RGS3: variants seen among roughly 807,000 people sequenced by gnomAD.
RGS3 encodes regulator of G-protein signalling 3.
A neutral mutation model predicts 132.6 loss-of-function variants in RGS3; 80 were observed. The ratio of observed to expected loss-of-function variants is 0.60; its 90% CI spans 0.50 to 0.73. RGS3 has a LOEUF of 0.73. RGS3 is among the 30% of genes least tolerant of loss of function. RGS3 has a pLI of 0.00. For missense variants in RGS3, 1,382 were observed against 1,530.8 expected, an observed-to-expected ratio of 0.90 and a Z score of 1.62; for synonymous variants, 598 against 620.6, an observed-to-expected ratio of 0.96 and a Z score of 0.54.
Position 113,591,147 on chromosome 9 carries a change from C to A in RGS3, c.3016-186C>A, listed in dbSNP as rs1407461442. ...CCTGTGGCCGGAGAGTCTGCCAGGC[C>A]GATTCCACTTCATGGCCAGGCTGTT... On this transcript the variant is annotated intron_variant, in intron 20 of 24. Coordinates refer to ENST00000350696, the Ensembl canonical transcript of RGS3. This position sits in a 1 kb window ranked among gnomAD's most constrained non-coding sequence, Gnocchi z 4.4. Among the ~76,000 whole-genome samples the A allele has an allele frequency of 6.6e-6, 1 of 152,166 alleles. No homozygotes were observed. Among genetic ancestry groups the A allele is most frequent in the Non-Finnish European group, 1.5e-5 (1 of 68,024 alleles).
intron 19 of RGS3, among the ~76,000 whole-genome samples, chr9:113,566,821 A>G (rs1834033961): frequency 1.3e-5 from 2 of 152,200 alleles, no homozygotes; most frequent in East Asian, 1.9e-4. Flanking sequence ...AAGGAGCCGC[A>G]GAGGCTGCCC....
chr9:113,461,682 T>C, intron 1 of RGS3: 1 of 1,605,742 alleles, frequency 6.2e-7, no homozygotes, highest in Non-Finnish European at 8.5e-7. Context: ...GTGCCCAGTG[T>C]GGGCCTCGGT....
chr9:113,507,896 G>A lies in RGS3; in HGVS notation c.1437+258G>A, dbSNP rs1324278653. Among the ~76,000 whole-genome samples, 1 of 152,226 alleles carries A rather than the reference G, an allele frequency of 6.6e-6. No individual in the cohort carries two copies. Among genetic ancestry groups the A allele is most frequent in the Non-Finnish European group, 1.5e-5 (1 of 68,046 alleles). On this transcript the variant is annotated intron_variant, in intron 13 of 24. Coordinates refer to ENST00000350696, the Ensembl canonical transcript of RGS3. The surrounding 1 kb of genome is among the most constrained non-coding windows in gnomAD (Gnocchi z 5.0). ...AAGATTTCAACTCACAGAAGGAAGA[G>A]CTTTCTACTAGCCTGTGCTTTTCCC...
intron 7 of RGS3, 95 bp downstream of exon 5, chr9:113,485,788 T>C: frequency 1.2e-6 from 1 of 831,914 alleles, no homozygotes. Flanking sequence ...ATTAGTGCTT[T>C]CTGGATAAAT....
chr9:113,488,146 G>C (rs961477400), intron 7 of RGS3, among the ~76,000 whole-genome samples: 1 of 152,312 alleles, frequency 6.6e-6, no homozygotes. Flanking sequence ...ATATTTAGGA[G>C]ATTAAATCAG....
chr9:113,589,265 A>G (rs1346575960), intron 20 of RGS3: 1 of 152,266 alleles, frequency 6.6e-6, no homozygotes, highest in Admixed American at 6.5e-5. Flanking sequence ...GCCCCCTCCA[A>G]GGTCAGAGGC....
chr9:113,535,417 C>T (rs11793656), intron 18 of RGS3, among the ~76,000 whole-genome samples: 21,109 of 152,114 alleles, frequency 0.14, 1,971 homozygotes, highest in Non-Finnish European at 0.21. Flanking sequence ...ATGATCCACC[C>T]GCCTCGGCCT....
intron 19 of RGS3, chr9:113,541,696 G>C: frequency 9.3e-7 from 1 of 1,079,150 alleles, no homozygotes; most frequent in Non-Finnish European, 1.1e-6. Context: ...AGGAGGAGGA[G>C]GAGGAGGACA....
rs569899251 is a variant in RGS3, at chr9:113,483,597, G to A, written c.525+480G>A. Among the ~76,000 whole-genome samples, 93 of 152,348 alleles carry A rather than the reference G, an allele frequency of 6.1e-4. 1 individual carries two copies. Among genetic ancestry groups the A allele is most frequent in the Non-Finnish European group, 1.1e-3 (72 of 68,026 alleles). Reference sequence around the variant, plus strand: ...TACTTTCAGTGAGAGCCAAAGGCCAGGAGCTTCCTAAAGTGTGGCAGCTGG... The same window carrying A: ...TACTTTCAGTGAGAGCCAAAGGCCAAGAGCTTCCTAAAGTGTGGCAGCTGG... On this transcript the variant is annotated intron_variant, in intron 5 of 24. Transcript: ENST00000350696.
chr9:113,458,551 G>A (rs1829408369), upstream of RGS3, among the ~76,000 whole-genome samples: 1 of 152,056 alleles, frequency 6.6e-6, no homozygotes, highest in African/African-American at 2.4e-5. Context: ...TTTCAAACTA[G>A]CTGTGGGGTA....
At chr9:113,590,508 T>TCATC (rs909030707) in intron 20 of RGS3, among the ~76,000 whole-genome samples, 13 of 148,444 alleles carry the variant, frequency 8.8e-5, no homozygotes, top group South Asian at 4.4e-4. Flanking sequence ...ACCCATATAT[T>TCATC]CATCCATCCA....
chr9:113,501,880 G>A (rs574744053), intron 10 of RGS3, among the ~76,000 whole-genome samples: 1 of 152,316 alleles, frequency 6.6e-6, no homozygotes, highest in East Asian at 1.9e-4. Context: ...CTAGCTTTCT[G>A]TTCTTTTTAT....
intron 4 of RGS3, among the ~76,000 whole-genome samples, chr9:113,482,468 C>G (rs912406788): frequency 9.2e-5 from 14 of 152,214 alleles, no homozygotes. Context: ...CCGTCCACCC[C>G]TGAGGCCCCA....
At chr9:113,478,212 C>T (rs537371670) in intron 3 of RGS3, among the ~76,000 whole-genome samples, 1 of 152,306 alleles carries the variant, frequency 6.6e-6, no homozygotes, top group African/African-American at 2.4e-5. Context: ...CCCTCCCTCC[C>T]TGTTCTCCTC....
chr9:113,593,708 C>T (rs1490913190), intron 21 of RGS3: 3 of 591,404 alleles, frequency 5.1e-6, no homozygotes, highest in Non-Finnish European at 9.1e-6. Context: ...CGAACATGAG[C>T]AAGAGGCATT....
At chr9:113,593,927 C>T (rs755958185) in intron 21 of RGS3, 16 of 1,606,768 alleles carry the variant, frequency 1.0e-5, no homozygotes, top group East Asian at 4.5e-5. Flanking sequence ...GCCATGGTAA[C>T]GAGGAGGCCA....
intron 19 of RGS3, among the ~76,000 whole-genome samples, chr9:113,578,040 G>T (rs1290610531): frequency 6.6e-6 from 1 of 152,246 alleles, no homozygotes; most frequent in Non-Finnish European, 1.5e-5. Flanking sequence ...ACTCAGGAAA[G>T]CGGTCAGGGC....
At chr9:113,483,388 T>G (rs983377034) in intron 5 of RGS3, among the ~76,000 whole-genome samples, 2 of 152,228 alleles carry the variant, frequency 1.3e-5, no homozygotes, top group Admixed American at 1.3e-4. Context: ...TGTGGATGGC[T>G]GAAATCCACA....
intron 19 of RGS3, among the ~76,000 whole-genome samples, chr9:113,538,967 C>T (rs1832793608): frequency 6.6e-6 from 1 of 152,236 alleles, no homozygotes; most frequent in African/African-American, 2.4e-5. Flanking sequence ...CAAAATTCCC[C>T]ATCCCTATCA....
Sources: allele counts gnomAD v4.1 joint callset (sites outside exome capture counted in the v4.1 genomes callset), GRCh38; gene constraint gnomAD v4.1.1; non-coding constraint Gnocchi (gnomAD v3.1); transcripts MANE v1.5; gene names NCBI Gene and HGNC (gene_info 2026-07-23, HGNC 2026-07-21).